The following ATAT1 variants were observed in gnomAD, a reference collection of about 807,000 sequenced individuals.
ATAT1 encodes alpha tubulin acetyltransferase 1, also known as alpha-tubulin N-acetyltransferase 1.
Under a neutral mutation model 57.2 loss-of-function variants are expected in ATAT1, and 42 were observed. The ratio of observed to expected loss-of-function variants is 0.73; its 90% CI spans 0.57 to 0.95. The LOEUF is 0.95. Among genes scored for constraint, ATAT1 ranks in the 40% least tolerant of loss-of-function variants. The pLI is 0.00. For synonymous variants in ATAT1, 168 were observed against 187.1 expected (o/e 0.90, Z 0.83); for missense variants, 454 against 523.7 (o/e 0.87, Z 1.30).
chr6:30,627,068 TCTCA>T lies in ATAT1; in HGVS notation c.-133_-130del. ...ACCTGGTCCAGGCACCACGCCCCCT[TCTCA>T]CTGACTAGTGATCGCCCCTTTTGAT... On this transcript the variant is annotated 5_prime_UTR_variant, in exon 1 of 13. Transcript: ENST00000330083. The T allele has an allele frequency of 2.6e-6, 4 of 1,549,264 alleles. No individual in the cohort carries two copies. Among genetic ancestry groups the T allele is most frequent in the Non-Finnish European group, 3.5e-6 (4 of 1,143,404 alleles).
rs767477836 is a variant in ATAT1, at chr6:30,627,264, C to G, written c.61C>G (p.His21Asp). Residue 21 changes from histidine (H) to aspartate (D), a missense_variant, in exon 1 of 13, where the codon CAC becomes GAC. Transcript: ENST00000330083. ...AACCTTAAGGGAGGAGGGAGTGTGC[C>G]ACCTTGAAAGGTGTGACAGAAGTTT... 22 of 1,613,726 alleles carry G rather than the reference C, an allele frequency of 1.4e-5. No homozygotes were observed. Among genetic ancestry groups the G allele is most frequent in the Non-Finnish European group, 1.7e-5 (20 of 1,179,882 alleles).
At chr6:30,646,437 T>G (rs1275164320) in intron 12 of ATAT1, 32 bp from the exon 13 acceptor site, 1 of 1,531,220 alleles carries the variant, frequency 6.5e-7, no homozygotes. Flanking sequence ...TTAGTATTCC[T>G]ATAACCCACT....
Position 30,642,833 on chromosome 6 carries a change from G to GGGGGGGGCGCCCCCCCC in ATAT1, c.754_755insGGGGGGGCGCCCCCCCC (p.Ala252GlyfsTer73). On this transcript the variant is annotated frameshift_variant, in exon 10 of 13. Transcript: ENST00000330083. LOFTEE classifies it high-confidence loss of function. ...GGCCCCTCGCCGCGCCACACCTCCA[G>GGGGGGGGCGCCCCCCCC]CCCACCCACCCCCCCGCTCCAGCAG... 1.3e-6 allele frequency: 2 copies of GGGGGGGGCGCCCCCCCC among 1,537,874 alleles called. No individual in the cohort carries two copies. The highest frequency in any genetic ancestry group is 1.7e-6 in the Non-Finnish European group (2 of 1,145,782).
At chr6:30,644,096 A>G (rs1251155305) in intron 10 of ATAT1, 1 of 986,742 alleles carries the variant, frequency 1.0e-6, no homozygotes, top group Non-Finnish European at 1.2e-6. Context: ...AGTTAGGTAG[A>G]ACAGGGACTT....
chr6:30,627,149 T>G lies in ATAT1; in HGVS notation c.-55T>G. Reference sequence around the variant, plus strand: ...CTGACCCTGGGCCTAGTGGGATTGATCAGCGCTTGGATCTGTGACCTTTCA... The same window carrying G: ...CTGACCCTGGGCCTAGTGGGATTGAGCAGCGCTTGGATCTGTGACCTTTCA... On this transcript the variant is annotated 5_prime_UTR_variant, in exon 1 of 13. Coordinates refer to ENST00000330083, the MANE Select transcript of ATAT1 (RefSeq NM_001031722.4). 1 of 1,610,352 alleles carries G rather than the reference T, an allele frequency of 6.2e-7. No individual in the cohort carries two copies. The highest frequency in any genetic ancestry group is 2.2e-5 in the East Asian group (1 of 44,852).
At chr6:30,638,743 C>G (rs1264717411) in intron 6 of ATAT1, among the ~76,000 whole-genome samples, 1 of 152,166 alleles carries the variant, frequency 6.6e-6, no homozygotes, top group Admixed American at 6.5e-5. Context: ...AGTTGAGGCC[C>G]AGCCCTGCCA....
intron 6 of ATAT1, chr6:30,634,001 AC>A (rs1763466648): frequency 6.3e-6 from 1 of 159,624 alleles, no homozygotes; most frequent in Admixed American, 6.6e-5. Context: ...GGCCACCGTG[AC>A]CTATTCACCC....
rs1264872856 is a variant in ATAT1 at position 30,640,584 on chromosome 6, A to T, written c.597A>T (p.Ala199=). The change falls in exon 8 of 13, where the codon GCA becomes GCT. Residue 199 remains alanine, a synonymous_variant. Transcript: ENST00000330083. ...CAACTCGACACTCTCGTGCTGCTGC[A>T]GTCGATCCCACGCCCGCTGGTAAAG... 5.0e-6 allele frequency: 8 copies of T among 1,613,000 alleles called. No individual in the cohort carries two copies. Among genetic ancestry groups the T allele is most frequent in the Non-Finnish European group, 6.8e-6 (8 of 1,180,022 alleles).
chr6:30,640,825 C>A, intron 8 of ATAT1: 1 of 597,904 alleles, frequency 1.7e-6, no homozygotes, highest in Non-Finnish European at 2.9e-6. Context: ...TGTTTGACAG[C>A]TGATATCAAT....
At chr6:30,630,491 C>T (rs769532045) in intron 6 of ATAT1, among the ~76,000 whole-genome samples, 2 of 151,976 alleles carry the variant, frequency 1.3e-5, no homozygotes, top group Non-Finnish European at 2.9e-5. Flanking sequence ...CAAAAATTAG[C>T]GGGGCATGAT....
At chr6:30,630,764 CCT>C (rs1297793631) in intron 6 of ATAT1, among the ~76,000 whole-genome samples, 2 of 151,842 alleles carry the variant, frequency 1.3e-5, no homozygotes, top group Admixed American at 1.3e-4. Flanking sequence ...ATAGTGAAAC[CCT>C]GTCTCTACTA....
intron 10 of ATAT1, 136 bp downstream of exon 10, chr6:30,643,147 G>C (rs1339867983): frequency 6.7e-7 from 1 of 1,498,314 alleles, no homozygotes; most frequent in African/African-American, 1.4e-5. Context: ...AACCTTTCAA[G>C]AAAAATATTT....
chr6:30,638,807 C>T (rs1764732111), intron 6 of ATAT1, among the ~76,000 whole-genome samples: 1 of 152,278 alleles, frequency 6.6e-6, no homozygotes, highest in Middle Eastern at 3.4e-3. Context: ...GGCTGTATTT[C>T]CCCCAACCTT....
chr6:30,642,829 T>TCCCGGGGGG lies in ATAT1; in HGVS notation c.752_753insCGGGGGGCC (p.Pro251_Ala252insGlyGlyPro). 1.9e-6 allele frequency: 3 copies of TCCCGGGGGG among 1,599,652 alleles called. No individual in the cohort carries two copies. The highest frequency in any genetic ancestry group is 1.1e-5 in the South Asian group (1 of 89,990). Reference sequence around the variant, plus strand: ...ACAGGGCCCCTCGCCGCGCCACACCTCCAGCCCACCCACCCCCCCGCTCCA... The same window carrying TCCCGGGGGG: ...ACAGGGCCCCTCGCCGCGCCACACCTCCCGGGGGGCCAGCCCACCCACCCCCCCGCTCCA... On this transcript the variant is annotated inframe_insertion, in exon 10 of 13. Coordinates refer to ENST00000330083, the MANE Select transcript of ATAT1 (RefSeq NM_001031722.4).
intron 10 of ATAT1, chr6:30,643,687 C>T: frequency 6.7e-7 from 1 of 1,498,528 alleles, no homozygotes; most frequent in Non-Finnish European, 8.9e-7. Flanking sequence ...CCATAGGATT[C>T]CCTCTTCTAC....
chr6:30,634,327 C>T (rs1411296368), intron 6 of ATAT1, among the ~76,000 whole-genome samples: 13 of 151,850 alleles, frequency 8.6e-5, no homozygotes, highest in African/African-American at 1.7e-4. Context: ...CTTGGCTCAC[C>T]GCAAGCTCCA....
At chr6:30,643,074 A>G in intron 10 of ATAT1, 63 bp downstream of exon 10, 1 of 1,540,202 alleles carries the variant, frequency 6.5e-7, no homozygotes, top group Non-Finnish European at 8.8e-7. Flanking sequence ...GAAATGGCAA[A>G]GGGCAATTTG....
intron 6 of ATAT1, 140 bp from the exon 7 acceptor site, chr6:30,640,237 G>A: frequency 1.2e-6 from 1 of 852,562 alleles, no homozygotes; most frequent in South Asian, 1.5e-5. Flanking sequence ...GTCTGGGTGT[G>A]TTGTAGGCTA....
rs932214855 is a variant in ATAT1, at chr6:30,646,398, T to C, written c.1056-71T>C. The C allele has an allele frequency of 2.7e-6, 4 of 1,460,452 alleles. No individual in the cohort carries two copies. The African/African-American group carries it at 4.3e-5, about 16-fold the overall frequency. 90.5% of individuals were successfully genotyped at this position (1,460,452 alleles called of 1,614,324 possible). A position where few individuals can be genotyped will look rare whatever the true frequency, so the allele number is the denominator to read the frequency against. On this transcript the variant is annotated intron_variant, in intron 12 of 12. Coordinates refer to ENST00000330083, the MANE Select transcript of ATAT1 (RefSeq NM_001031722.4). ...CTACATTAAAACCTGGCCCGAGACC[T>C]TGAAGAGTCTGTAATCTTAATTTCC...
Sources: gnomAD v4.1 joint callset for allele counts (sites outside exome capture counted in the v4.1 genomes callset) on GRCh38, gnomAD v4.1.1 for gene constraint, MANE v1.5 for transcripts, NCBI Gene and HGNC (gene_info 2026-07-23, HGNC 2026-07-21) for gene names.